The following DZIP3 variants were observed in gnomAD, a reference collection of about 807,000 sequenced individuals.
The protein encoded by DZIP3 is DAZ interacting zinc finger protein 3.
In DZIP3, 118 loss-of-function variants were observed where a neutral mutation model predicts 162.0. That is an observed-to-expected ratio of 0.73 (90% CI 0.63 to 0.85). The LOEUF is 0.85. DZIP3 is among the 40% of genes least tolerant of loss of function. DZIP3 has a pLI of 0.00. For synonymous variants in DZIP3, 438 were observed against 458.6 expected, an observed-to-expected ratio of 0.96 and a Z score of 0.57; for missense variants, 1,331 against 1,407.0, an observed-to-expected ratio of 0.95 and a Z score of 0.86.
intron 5 of DZIP3, among the ~76,000 whole-genome samples, chr3:108,619,855 C>T (rs1476732120): frequency 6.6e-6 from 1 of 151,366 alleles, no homozygotes; most frequent in African/African-American, 2.4e-5. Context: ...GTACCCCTCA[C>T]ACAGTTTCCC....
chr3:108,591,967 T>A (rs1293742192), intron 1 of DZIP3, among the ~76,000 whole-genome samples: 1 of 130,892 alleles, frequency 7.6e-6, no homozygotes, highest in Non-Finnish European at 1.5e-5. Flanking sequence ...GGTGGCAGAG[T>A]GAGACCCTGT....
rs747059774 is a variant in DZIP3, at chr3:108,608,124, C to A, written c.68C>A (p.Thr23Asn). 2 of 1,613,098 alleles carry A rather than the reference C, an allele frequency of 1.2e-6. No homozygotes were observed. Among genetic ancestry groups the A allele is most frequent in the Admixed American group, 3.3e-5 (2 of 59,946 alleles). The change falls in exon 3 of 33, where the codon ACT (threonine) becomes AAT (asparagine). Residue 23 changes from threonine to asparagine, a missense_variant. Thr to Asn is a moderately conservative substitution (Grantham distance 65). Around this residue, in one of 2 missense-constraint regions of DZIP3, gnomAD observed 1,278 missense variants for 1,317.1 expected, o/e 0.97. Transcript: ENST00000361582. ...GTGGAGGATCAGAGGAAGGAAGAAA[C>A]TGAGAATAAGCTAGAAAAATCATCT... is the stretch of plus-strand genomic sequence containing the variant. The part of the protein sequence containing the change: ...PAVEDQRKEE[T>N]ENKLEKSSGQ...
At chr3:108,614,819 G>A (rs969086822) in intron 4 of DZIP3, among the ~76,000 whole-genome samples, 8 of 152,214 alleles carry the variant, frequency 5.3e-5, no homozygotes, top group South Asian at 2.1e-4. Context: ...AAATTTCCCC[G>A]TTGTGATAAC....
chr3:108,615,842 C>T (rs1356354594), intron 4 of DZIP3, among the ~76,000 whole-genome samples: 2 of 152,190 alleles, frequency 1.3e-5, no homozygotes, highest in Non-Finnish European at 2.9e-5. Context: ...ACCACAGGTT[C>T]AGGGCTGGAA....
At chr3:108,599,403 A>G (rs59378842) in intron 1 of DZIP3, among the ~76,000 whole-genome samples, 2,898 of 152,300 alleles carry the variant, frequency 0.019, 98 homozygotes, top group African/African-American at 0.067. Context: ...AAACAAATTA[A>G]AAAATGGAGA....
intron 8 of DZIP3, among the ~76,000 whole-genome samples, chr3:108,631,051 A>ACTCTCTCTCTCTCT (rs1431834911): frequency 8.8e-4 from 37 of 42,006 alleles, no homozygotes; most frequent in Non-Finnish European, 1.3e-3. Flanking sequence ...ACACACACAC[A>ACTCTCTCTCTCTCT]CACACTCTCT....
At chr3:108,674,567 T>C (rs1348565583) in intron 24 of DZIP3, among the ~76,000 whole-genome samples, 2 of 151,962 alleles carry the variant, frequency 1.3e-5, no homozygotes, top group Non-Finnish European at 2.9e-5. Context: ...CAGATACTTA[T>C]GAAACAAGGT....
At chr3:108,686,339 A>T (rs1258996678) in intron 27 of DZIP3, 106 bp from the exon 28 acceptor site, 1 of 1,042,898 alleles carries the variant, frequency 9.6e-7, no homozygotes, top group Non-Finnish European at 1.3e-6. Context: ...GTAAAAATTG[A>T]ATGTGTATGC....
intron 27 of DZIP3, among the ~76,000 whole-genome samples, chr3:108,684,729 A>T (rs1944438971): frequency 6.6e-6 from 1 of 152,154 alleles, no homozygotes; most frequent in Non-Finnish European, 1.5e-5. Flanking sequence ...CTAAAGAAAA[A>T]TTTTATTTCC....
chr3:108,684,825 TA>T lies in DZIP3; in HGVS notation c.3009+487del, dbSNP rs58585988. Among the ~76,000 whole-genome samples, 647 of 152,292 alleles carry T rather than the reference TA, an allele frequency of 4.2e-3. 6 individuals carry two copies. The highest frequency in any genetic ancestry group is 0.015 in the African/African-American group (609 of 41,554). Reference sequence around the variant, plus strand: ...TAGCATCACCTTGAAACATAAACTGTAAAGTTATAAATCTTCCCAGCTACAA... The same window carrying T: ...TAGCATCACCTTGAAACATAAACTGTAAGTTATAAATCTTCCCAGCTACAA... On this transcript the variant is annotated intron_variant, in intron 27 of 32. Coordinates refer to ENST00000361582, the MANE Select transcript of DZIP3 (RefSeq NM_014648.4).
intron 13 of DZIP3, among the ~76,000 whole-genome samples, chr3:108,643,557 A>T (rs1374950584): frequency 6.6e-6 from 1 of 150,774 alleles, no homozygotes; most frequent in Non-Finnish European, 1.5e-5. Flanking sequence ...CCCTTTGAGT[A>T]GCAAGGAGCT....
chr3:108,690,763 G>C (rs1944660365), intron 31 of DZIP3, 24 bp from the exon 32 acceptor site: 1 of 1,606,484 alleles, frequency 6.2e-7, no homozygotes, highest in East Asian at 2.2e-5. Context: ...CTGAGAGACT[G>C]ACATAAATCT....
At chr3:108,682,548 G>T (rs1189626281) in intron 26 of DZIP3, among the ~76,000 whole-genome samples, 1 of 150,744 alleles carries the variant, frequency 6.6e-6, no homozygotes, top group East Asian at 1.9e-4. Flanking sequence ...TCCCACGCAT[G>T]TGGAATCTAA....
chr3:108,656,355 G>C (rs994324848), intron 19 of DZIP3, among the ~76,000 whole-genome samples: 2 of 152,164 alleles, frequency 1.3e-5, no homozygotes, highest in African/African-American at 4.8e-5. Context: ...CTGTTCTGCA[G>C]CCTCCACTGC....
intron 12 of DZIP3, among the ~76,000 whole-genome samples, chr3:108,640,028 G>A (rs1576400666): frequency 6.6e-6 from 1 of 151,972 alleles, no homozygotes; most frequent in South Asian, 2.1e-4. Context: ...TTAACCATGG[G>A]CTCTTTAGGA....
chr3:108,589,604 G>A (rs1939257669), upstream of DZIP3: 2 of 401,086 alleles, frequency 5.0e-6, no homozygotes, highest in East Asian at 8.3e-5. Flanking sequence ...GTTGGGAGCT[G>A]CCCCCGCTAA....
In DZIP3 at chr3:108,674,103, AT is replaced by A; in HGVS notation, c.2619del (p.Phe873LeufsTer6). ...AEVYFLQCRR[D>X]FGLLHLEQTE... Reference sequence around the variant, plus strand: ...GTGTATTTCTTACAGTGTCGTAGGGATTTTGGTTTGCTTCATCTAGAGCAGA... The same window carrying A: ...GTGTATTTCTTACAGTGTCGTAGGGATTTGGTTTGCTTCATCTAGAGCAGA... On this transcript the variant is annotated frameshift_variant, in exon 24 of 33. Transcript: ENST00000361582. LOFTEE classifies it high-confidence loss of function. The A allele has an allele frequency of 6.2e-7, 1 of 1,611,918 alleles. No homozygotes were observed.
intron 17 of DZIP3, among the ~76,000 whole-genome samples, chr3:108,649,941 C>T (rs952810861): frequency 4.6e-5 from 7 of 151,662 alleles, no homozygotes; most frequent in Admixed American, 2.0e-4. Flanking sequence ...TTAGACAGTT[C>T]TTATCTGATA....
intron 31 of DZIP3, among the ~76,000 whole-genome samples, chr3:108,689,226 G>A (rs541518337): frequency 1.8e-4 from 28 of 152,312 alleles, no homozygotes; most frequent in Middle Eastern, 3.4e-3. Context: ...TGGTAGTTTA[G>A]TGGCAGAACT....
Sources: gnomAD v4.1 joint callset for allele counts (sites outside exome capture counted in the v4.1 genomes callset) on GRCh38, gnomAD v4.1.1 for gene constraint, gnomAD v4.1.1 regional missense constraint, MANE v1.5 for transcripts, NCBI Gene and HGNC (gene_info 2026-07-23, HGNC 2026-07-21) for gene names.